The following OR6P1 variants were observed in gnomAD, a reference collection of about 807,000 sequenced individuals.
OR6P1 encodes the protein olfactory receptor 6P1.
Under a neutral mutation model 6.6 loss-of-function variants are expected in OR6P1, and 5 were observed. That is an observed-to-expected ratio of 0.76 (90% confidence interval 0.40 to 1.60). The LOEUF (loss-of-function observed/expected upper bound fraction) is 1.60. Ranked by LOEUF, OR6P1 falls within the 40% of genes most tolerant of loss-of-function variation. The pLI, the probability that OR6P1 is intolerant of heterozygous loss-of-function variation, is 0.02. For synonymous variants in OR6P1, 177 were observed against 149.6 expected, an observed-to-expected ratio of 1.18 and a Z score of -1.33; for missense variants, 451 against 383.0, an observed-to-expected ratio of 1.18 and a Z score of -1.48.
At chr1:158,566,482 G>A (rs539211368) in intron 2 of OR6P1, among the ~76,000 whole-genome samples, 4 of 152,208 alleles carry the variant, frequency 2.6e-5, no homozygotes, top group African/African-American at 9.6e-5. Context: ...CAAGAGACAA[G>A]GTAAGGGAAT....
At chr1:158,569,412 T>C (rs72698778) in intron 1 of OR6P1, among the ~76,000 whole-genome samples, 8,318 of 152,326 alleles carry the variant, frequency 0.055, 306 homozygotes, top group Non-Finnish European at 0.084. Context: ...TGGAGACACA[T>C]TGGGCAGAGC....
rs1647956454 is a variant in OR6P1 at position 158,561,680 on chromosome 1, A to G, written c.*971T>C. On this transcript the variant is annotated 3_prime_UTR_variant, in exon 3 of 3. Coordinates refer to ENST00000641540, the MANE Select transcript of OR6P1 (RefSeq NM_001160325.2). ...ATTCAAGTAACTTTCCAAAAATCAAAGGAACTTGCTAGAATACCTATGATT... is the reference window on the plus strand; with the variant it reads ...ATTCAAGTAACTTTCCAAAAATCAAGGGAACTTGCTAGAATACCTATGATT... The G allele has an allele frequency of 6.6e-6, 1 of 152,198 alleles. No individual in the cohort carries two copies. The highest frequency in any genetic ancestry group is 1.5e-5 in the Non-Finnish European group (1 of 68,018). 9.4% of individuals were successfully genotyped at this position (152,198 alleles called of 1,614,324 possible).
Position 158,561,366 on chromosome 1 carries a change from T to C in OR6P1, c.*1285A>G, listed in dbSNP as rs1447162899. ...ACTGTTTTAAGTATCAGATCTTTTA[T>C]TGTTATTTTGTTTTTAATACTGGAA... On this transcript the variant is annotated 3_prime_UTR_variant, in exon 3 of 3. Coordinates refer to ENST00000641540, the MANE Select transcript of OR6P1 (RefSeq NM_001160325.2). 6.6e-6 allele frequency: 1 copy of C among 152,224 alleles called. No homozygotes were observed. The highest frequency in any genetic ancestry group is 1.9e-4 in the East Asian group (1 of 5,196). 9.4% of individuals were successfully genotyped at this position (152,224 alleles called of 1,614,324 possible).
At chr1:158,566,121 T>C (rs863346) in intron 2 of OR6P1, among the ~76,000 whole-genome samples, 78,621 of 151,858 alleles carry the variant, frequency 0.52, 20,878 homozygotes, top group African/African-American at 0.64. Context: ...TTTGCTATGC[T>C]TTTCCTTGTT....
At position 158,562,980 on chromosome 1, in the gene OR6P1, G is replaced by T. The variant is rs1647995380; in HGVS notation, c.625C>A (p.Leu209Ile). ...DFLLALVMIL[L>I]PLLAVVSSYT... ...GATGAAACCACAGCCAATAGAGGGA[G>T]TAGAATCATCACCAGGGCCAGAAGG... The change falls in exon 3 of 3, where the codon CTC (leucine) becomes ATC (isoleucine). Residue 209 changes from leucine (L) to isoleucine (I), a missense_variant. Physicochemically the swap from Leu to Ile is conservative, Grantham distance 5. Transcript: ENST00000641540. 6.4e-7 allele frequency: 1 copy of T among 1,551,748 alleles called. No individual in the cohort carries two copies.
rs1168155054 is a variant in OR6P1, at chr1:158,562,901, T to A, written c.704A>T (p.His235Leu). The change falls in exon 3 of 3, where the codon CAC (histidine) becomes CTC (leucine). Residue 235 changes from histidine (H) to leucine (L), a missense_variant. By Grantham distance (99) the His-to-Leu change is moderately conservative (BLOSUM62 -3). Transcript: ENST00000641540. ...ILRIPTSRGR[H>L]KAFSTCAAHL... Reference sequence around the variant, plus strand: ...AGCGGCACAAGTGGAAAAGGCTTTGTGGCGTCCCCTGGACGTAGGGATCCT... The same window carrying A: ...AGCGGCACAAGTGGAAAAGGCTTTGAGGCGTCCCCTGGACGTAGGGATCCT... 2 of 1,551,846 alleles carry A rather than the reference T, an allele frequency of 1.3e-6. No homozygotes were observed. The highest frequency in any genetic ancestry group is 8.7e-7 in the Non-Finnish European group (1 of 1,147,070).
Position 158,562,615 on chromosome 1 carries a change from T to G in OR6P1, c.*36A>C, listed in dbSNP as rs7526514. Reference sequence around the variant, plus strand: ...TTCCTTGAGGAGGCCCTATTAAGATTCTGCTATTTTCACCTCTCCCAAGAC... The same window carrying G: ...TTCCTTGAGGAGGCCCTATTAAGATGCTGCTATTTTCACCTCTCCCAAGAC... On this transcript the variant is annotated 3_prime_UTR_variant, in exon 3 of 3. Coordinates refer to ENST00000641540, the MANE Select transcript of OR6P1 (RefSeq NM_001160325.2). The G allele has an allele frequency of 0.47, 573,083 of 1,212,224 alleles. 137,203 individuals carry two copies. Among genetic ancestry groups the G allele is most frequent in the East Asian group, 0.58 (22,949 of 39,322 alleles). The allele number at this position is 1,212,224 out of a possible 1,614,324, so 75.1% of individuals were successfully genotyped here.
chr1:158,560,627 A>G lies in OR6P1; in HGVS notation c.*2024T>C, dbSNP rs5009954. Reference sequence around the variant, plus strand: ...GGGCAGTTTTAGGAGTTTCTCTTACAGAAAGGAAGTCCTGAAAGCAGTTGA... The same window carrying G: ...GGGCAGTTTTAGGAGTTTCTCTTACGGAAAGGAAGTCCTGAAAGCAGTTGA... On this transcript the variant is annotated 3_prime_UTR_variant, in exon 3 of 3. Coordinates refer to ENST00000641540, the MANE Select transcript of OR6P1 (RefSeq NM_001160325.2). The G allele has an allele frequency of 0.51, 77,430 of 151,680 alleles. 20,129 individuals carry two copies. The highest frequency in any genetic ancestry group is 0.62 in the African/African-American group (25,484 of 41,346). The allele number at this position is 151,680 out of a possible 1,614,324, so 9.4% of individuals were successfully genotyped here.
chr1:158,567,672 T>C (rs1330607469), intron 1 of OR6P1, among the ~76,000 whole-genome samples: 3 of 146,882 alleles, frequency 2.0e-5, no homozygotes, highest in African/African-American at 7.6e-5. Flanking sequence ...AGGGATAGCA[T>C]TGGGAGATAC....
chr1:158,563,432 G>T lies in OR6P1; in HGVS notation c.173C>A (p.Pro58His). 1.9e-6 allele frequency: 3 copies of T among 1,551,270 alleles called. No individual in the cohort carries two copies. Among genetic ancestry groups the T allele is most frequent in the Non-Finnish European group, 2.6e-6 (3 of 1,146,838 alleles). ...TIWLAPSLHRPMYFFLGHLSF... is the reference protein window; with the variant it reads ...TIWLAPSLHRHMYFFLGHLSF... ...GAGATGGCCAAGGAAAAAGTACATGGGACGATGAAGGCTTGGAGCAAGCCA... is the reference window on the plus strand; with the variant it reads ...GAGATGGCCAAGGAAAAAGTACATGTGACGATGAAGGCTTGGAGCAAGCCA... Residue 58 changes from proline (P) to histidine (H), a missense_variant, in exon 3 of 3, where the codon CCC (proline) becomes CAC (histidine). Transcript: ENST00000641540.
Position 158,561,384 on chromosome 1 carries a change from T to C in OR6P1, c.*1267A>G, listed in dbSNP as rs1557899230. 1 of 152,206 alleles carries C rather than the reference T, an allele frequency of 6.6e-6. No individual in the cohort carries two copies. The highest frequency in any genetic ancestry group is 1.5e-5 in the Non-Finnish European group (1 of 68,034). 9.4% of individuals were successfully genotyped at this position (152,206 alleles called of 1,614,324 possible). On this transcript the variant is annotated 3_prime_UTR_variant, in exon 3 of 3. Coordinates refer to ENST00000641540, the MANE Select transcript of OR6P1 (RefSeq NM_001160325.2). Reference sequence around the variant, plus strand: ...TCTTTTATTGTTATTTTGTTTTTAATACTGGAAAATCTAAAATGATTGTTG... The same window carrying C: ...TCTTTTATTGTTATTTTGTTTTTAACACTGGAAAATCTAAAATGATTGTTG...
rs1647975606 is a variant in OR6P1 at position 158,562,415 on chromosome 1, A to C, written c.*236T>G. ...ACTCTCCACATATTTTTTTGGGGGA[A>C]TCTGTATTTTAACAAATTCCCAGGT... is the stretch of plus-strand genomic sequence containing the variant. On this transcript the variant is annotated 3_prime_UTR_variant, in exon 3 of 3. Coordinates refer to ENST00000641540, the MANE Select transcript of OR6P1 (RefSeq NM_001160325.2). 2.1e-6 allele frequency: 1 copy of C among 486,108 alleles called. No homozygotes were observed. The highest frequency in any genetic ancestry group is 3.7e-6 in the Non-Finnish European group (1 of 271,042). The allele number at this position is 486,108 out of a possible 1,614,324, so 30.1% of individuals were successfully genotyped here. A position where few individuals can be genotyped will look rare whatever the true frequency, so the allele number is the denominator to read the frequency against.
intron 1 of OR6P1, among the ~76,000 whole-genome samples, chr1:158,567,962 A>G (rs1648139954): frequency 6.6e-6 from 1 of 152,028 alleles, no homozygotes; most frequent in Non-Finnish European, 1.5e-5. Flanking sequence ...TTGTGCCCAG[A>G]GGTGCCTATA....
chr1:158,562,895 G>C lies in OR6P1; in HGVS notation c.710C>G (p.Ala237Gly), dbSNP rs1452990129. The change falls in exon 3 of 3, where the codon GCC (alanine) becomes GGC (glycine). Residue 237 changes from alanine (A) to glycine (G), a missense_variant. Physicochemically the swap from Ala to Gly is moderately conservative, Grantham distance 60. Coordinates refer to ENST00000641540, the MANE Select transcript of OR6P1 (RefSeq NM_001160325.2). ...CAGATGAGCGGCACAAGTGGAAAAG[G>C]CTTTGTGGCGTCCCCTGGACGTAGG... is the stretch of plus-strand genomic sequence containing the variant. ...RIPTSRGRHK[A>G]FSTCAAHLAV... 5 of 1,551,850 alleles carry C rather than the reference G, an allele frequency of 3.2e-6. No homozygotes were observed. Among genetic ancestry groups the C allele is most frequent in the Non-Finnish European group, 4.4e-6 (5 of 1,147,042 alleles).
chr1:158,569,821 G>T (rs1557901782), intron 1 of OR6P1, among the ~76,000 whole-genome samples: 1 of 152,108 alleles, frequency 6.6e-6, no homozygotes, highest in Non-Finnish European at 1.5e-5. Flanking sequence ...CGCTATGCAG[G>T]TATGGTGGGA....
intron 2 of OR6P1, among the ~76,000 whole-genome samples, chr1:158,564,419 T>C (rs771745651): frequency 1.3e-5 from 2 of 152,212 alleles, no homozygotes; most frequent in African/African-American, 2.4e-5. Context: ...CTGGATTTTC[T>C]AGGTGGGCCT....
At position 158,562,785 on chromosome 1, in the gene OR6P1, T is replaced by C. The variant is rs770879288; in HGVS notation, c.820A>G (p.Ile274Val). ...ACAATGATAGTGTAGAGCACAGAGA[T>C]AATCTTGTTGTGGTTGAAGGTGTAC... is the stretch of plus-strand genomic sequence containing the variant. The part of the protein sequence containing the change: ...AMYTFNHNKI[I>V]SVLYTIIVPF... The change falls in exon 3 of 3, where the codon ATC becomes GTC. Residue 274 changes from isoleucine to valine, a missense_variant. Ile to Val is a conservative substitution (Grantham distance 29, BLOSUM62 3). Transcript: ENST00000641540. 1.6e-5 allele frequency: 25 copies of C among 1,552,822 alleles called. No individual in the cohort carries two copies. Among genetic ancestry groups the C allele is most frequent in the Non-Finnish European group, 2.0e-5 (23 of 1,147,500 alleles).
intron 2 of OR6P1, 144 bp downstream of exon 2, chr1:158,566,620 G>A (rs1165314282): frequency 2.0e-5 from 3 of 152,162 alleles, no homozygotes; most frequent in Non-Finnish European, 4.4e-5. Flanking sequence ...AGTGGAATGA[G>A]TTTCAGTCTT....
intron 1 of OR6P1, among the ~76,000 whole-genome samples, chr1:158,568,762 A>G (rs1571340393): frequency 6.6e-6 from 1 of 152,074 alleles, no homozygotes; most frequent in Non-Finnish European, 1.5e-5. Flanking sequence ...ACATGAATAA[A>G]CATAATAAAC....
Sources: allele counts gnomAD v4.1 joint callset (sites outside exome capture counted in the v4.1 genomes callset), GRCh38; gene constraint gnomAD v4.1.1; transcripts MANE v1.5; gene names NCBI Gene and HGNC (gene_info 2026-07-23, HGNC 2026-07-21).